The following PIAS2 variants were observed in gnomAD, a reference collection of about 807,000 sequenced individuals.
PIAS2 encodes the protein protein inhibitor of activated STAT 2.
PIAS2 carries 19 observed loss-of-function variants against 69.7 expected under a neutral mutation model. The ratio of observed to expected loss-of-function variants is 0.27; its 90% CI spans 0.19 to 0.40. The LOEUF is 0.40. Among genes scored for constraint, PIAS2 ranks in the 10% least tolerant of loss-of-function variants. PIAS2 has a pLI of 1.00. For missense variants in PIAS2, 624 were observed against 757.0 expected (o/e 0.82, Z 2.06); for synonymous variants, 261 against 263.2 (o/e 0.99, Z 0.08).
At chr18:46,829,999 C>T in intron 9 of PIAS2, 132 bp from the exon 10 acceptor site, 1 of 689,130 alleles carries the variant, frequency 1.5e-6, no homozygotes, top group South Asian at 2.0e-5. Flanking sequence ...TATTGCAATA[C>T]TTTATACTTT....
intron 2 of PIAS2, among the ~76,000 whole-genome samples, chr18:46,881,179 C>T (rs1358625965): frequency 6.6e-6 from 1 of 152,062 alleles, no homozygotes; most frequent in East Asian, 1.9e-4. Flanking sequence ...ACTTTCAACC[C>T]CCTTCCTCTG....
chr18:46,857,990 T>A (rs532991526), intron 3 of PIAS2, among the ~76,000 whole-genome samples: 1 of 152,090 alleles, frequency 6.6e-6, no homozygotes, highest in Non-Finnish European at 1.5e-5. Context: ...AATAAGTACA[T>A]GGCACAGTGA....
chr18:46,822,350 T>C (rs2042265218), intron 11 of PIAS2, among the ~76,000 whole-genome samples: 1 of 152,202 alleles, frequency 6.6e-6, no homozygotes. Context: ...CTGATCCATT[T>C]AGGAAGCTTA....
intron 1 of PIAS2, among the ~76,000 whole-genome samples, chr18:46,902,215 C>T (rs948690128): frequency 1.3e-5 from 2 of 149,082 alleles, no homozygotes; most frequent in African/African-American, 5.0e-5. Flanking sequence ...ACGTACAGGA[C>T]TTATATGCTG....
At position 46,821,038 on chromosome 18, in the gene PIAS2, G is replaced by C. The variant is rs1367988629; in HGVS notation, c.1543C>G (p.Pro515Ala). The change falls in exon 12 of 14, where the codon CCC becomes GCC. Residue 515 changes from proline (P) to alanine (A), a missense_variant. Physicochemically the swap from Pro to Ala is conservative, Grantham distance 27. Transcript: ENST00000585916. ...GCAGGATCAACCGAAGTCACACTGGGCACCCTTACAGAAGATGGCTGATAC... is the reference window on the plus strand; with the variant it reads ...GCAGGATCAACCGAAGTCACACTGGCCACCCTTACAGAAGATGGCTGATAC... Reference protein sequence around the residue: ...LMYQPSSVRVPSVTSVDPAAI... With the variant: ...LMYQPSSVRVASVTSVDPAAI... 2.5e-6 allele frequency: 4 copies of C among 1,613,462 alleles called. No individual in the cohort carries two copies. The highest frequency in any genetic ancestry group is 3.4e-6 in the Non-Finnish European group (4 of 1,179,548).
upstream of PIAS2, among the ~76,000 whole-genome samples, chr18:46,919,712 T>C (rs948996181): frequency 2.0e-5 from 3 of 152,224 alleles, no homozygotes; most frequent in Non-Finnish European, 4.4e-5. Context: ...TAGACTATAA[T>C]GGCTGATAAA....
At chr18:46,846,670 G>A in intron 6 of PIAS2, 37 bp downstream of exon 6, 1 of 1,574,372 alleles carries the variant, frequency 6.4e-7, no homozygotes, top group East Asian at 2.3e-5. Context: ...CCCTCAGTGG[G>A]GTCACTGTCC....
upstream of PIAS2, among the ~76,000 whole-genome samples, chr18:46,918,995 GTA>G (rs376088999): frequency 3.2e-3 from 477 of 147,520 alleles, 2 homozygotes; most frequent in Middle Eastern, 0.021. Context: ...GTGTGTGCGT[GTA>G]TATATATATA....
At chr18:46,895,895 C>T (rs147609109) in intron 1 of PIAS2, among the ~76,000 whole-genome samples, 5 of 152,158 alleles carry the variant, frequency 3.3e-5, no homozygotes, top group East Asian at 1.9e-4. Context: ...ATAATTAAAT[C>T]CACTTTTATT....
chr18:46,855,518 A>T, intron 4 of PIAS2, 47 bp downstream of exon 4: 1 of 1,572,314 alleles, frequency 6.4e-7, no homozygotes, highest in South Asian at 1.1e-5. Context: ...CTACATGCAC[A>T]TAGTAAGCAA....
intron 1 of PIAS2, among the ~76,000 whole-genome samples, chr18:46,905,261 T>A (rs1018162982): frequency 6.6e-6 from 1 of 152,154 alleles, no homozygotes; most frequent in Non-Finnish European, 1.5e-5. Flanking sequence ...GGAAATTAAA[T>A]TTTTAAATAG....
rs1031459194 is a variant in PIAS2, at chr18:46,810,170, AACTGTTC to A, written c.*2256_*2262del. 6.7e-6 allele frequency: 1 copy of A among 148,922 alleles called. No individual in the cohort carries two copies. Among genetic ancestry groups the A allele is most frequent in the Non-Finnish European group, 1.5e-5 (1 of 67,232 alleles). 9.2% of individuals were successfully genotyped at this position (148,922 alleles called of 1,614,324 possible). ...GTAAAACACCAAAACCGAACATTAA[AACTGTTC>A]ACAGAAAATAGAAAAAAAAACAAAA... On this transcript the variant is annotated 3_prime_UTR_variant, in exon 14 of 14. Coordinates refer to ENST00000585916, the MANE Select transcript of PIAS2 (RefSeq NM_004671.5).
At chr18:46,917,220 C>A in intron 1 of PIAS2, 102 bp downstream of exon 1, 3 of 1,358,820 alleles carry the variant, frequency 2.2e-6, no homozygotes, top group Non-Finnish European at 2.9e-6. Context: ...CTCCGCCAAC[C>A]GGCCCCAGAG....
At position 46,875,958 on chromosome 18, in the gene PIAS2, C is replaced by A. The variant is rs532868949; in HGVS notation, c.500-11710G>T. Among the ~76,000 whole-genome samples the A allele has an allele frequency of 2.0e-5, 3 of 152,322 alleles. No individual in the cohort carries two copies. The South Asian group carries it at 6.2e-4, about 32-fold the overall frequency. On this transcript the variant is annotated intron_variant, in intron 2 of 13. Transcript: ENST00000585916. Reference sequence around the variant, plus strand: ...GAAGTTCGGCACCCTATGGGTCAGGCCCTGAGGGCCACGTCAATTTTACCT... The same window carrying A: ...GAAGTTCGGCACCCTATGGGTCAGGACCTGAGGGCCACGTCAATTTTACCT...
intron 1 of PIAS2, among the ~76,000 whole-genome samples, chr18:46,912,728 T>C (rs573064285): frequency 1.3e-5 from 2 of 152,214 alleles, no homozygotes; most frequent in South Asian, 2.1e-4. Flanking sequence ...GGTATATTTT[T>C]AGACTTTTGG....
Position 46,829,824 on chromosome 18 carries a change from T to C in PIAS2, c.1246A>G (p.Ile416Val), listed in dbSNP as rs1427346848. Residue 416 changes from isoleucine (I) to valine (V), a missense_variant, in exon 10 of 14, where the codon ATC (isoleucine) becomes GTC (valine). Physicochemically the swap from Ile to Val is conservative, Grantham distance 29. Around this residue, in one of 3 missense-constraint regions of PIAS2, gnomAD observed 241 missense variants for 257.3 expected, o/e 0.94. Transcript: ENST00000585916. ...ILNDCSDVDE[I>V]KFQEDGSWCP... Reference sequence around the variant, plus strand: ...CAAGAACCATCTTCTTGGAATTTGATCTCATCTACATCAGAACAGTCATTG... The same window carrying C: ...CAAGAACCATCTTCTTGGAATTTGACCTCATCTACATCAGAACAGTCATTG... The C allele has an allele frequency of 6.2e-7, 1 of 1,613,476 alleles. No homozygotes were observed. Among genetic ancestry groups the C allele is most frequent in the Admixed American group, 1.7e-5 (1 of 60,008 alleles).
chr18:46,868,263 C>A (rs2049795266), intron 2 of PIAS2, among the ~76,000 whole-genome samples: 1 of 152,238 alleles, frequency 6.6e-6, no homozygotes, highest in Non-Finnish European at 1.5e-5. Flanking sequence ...TTAAGCTCAA[C>A]TTCCTTGTCC....
At chr18:46,908,658 C>T (rs1406335659) in intron 1 of PIAS2, among the ~76,000 whole-genome samples, 2 of 152,096 alleles carry the variant, frequency 1.3e-5, no homozygotes, top group East Asian at 1.9e-4. Context: ...AAGCACTATC[C>T]ATAAAGAAAA....
At chr18:46,873,688 A>G (rs2145751236) in intron 2 of PIAS2, among the ~76,000 whole-genome samples, 1 of 152,346 alleles carries the variant, frequency 6.6e-6, no homozygotes, top group South Asian at 2.1e-4. Flanking sequence ...GCAAAGGCCA[A>G]GACCTTGTCC....
Sources: gnomAD v4.1 joint callset for allele counts (sites outside exome capture counted in the v4.1 genomes callset) on GRCh38, gnomAD v4.1.1 for gene constraint, gnomAD v4.1.1 regional missense constraint, MANE v1.5 for transcripts, NCBI Gene and HGNC (gene_info 2026-07-23, HGNC 2026-07-21) for gene names.